Variants in ATRN observed in about 807,000 individuals in gnomAD.
The protein encoded by ATRN is attractin.
A neutral mutation model predicts 178.7 loss-of-function variants in ATRN; 54 were observed. The observed-to-expected ratio is 0.30, with a 90% CI of 0.24 to 0.38. The LOEUF (loss-of-function observed/expected upper bound fraction) is 0.38. Ranked by LOEUF, ATRN falls within the 10% of genes least tolerant of loss-of-function variation. The pLI, the probability that ATRN is intolerant of heterozygous loss-of-function variation, is 1.00. For missense variants in ATRN, 1,443 were observed against 1,815.1 expected (o/e 0.79, Z 3.73); for synonymous variants, 636 against 663.0 (o/e 0.96, Z 0.63).
intron 3 of ATRN, among the ~76,000 whole-genome samples, chr20:3,541,100 C>T (rs1403433132): frequency 5.4e-5 from 7 of 128,998 alleles, no homozygotes; most frequent in Non-Finnish European, 1.0e-4. Flanking sequence ...TTTTTTGAGA[C>T]GGAGTCTCGC....
chr20:3,484,839 C>G (rs2084668600), intron 1 of ATRN, among the ~76,000 whole-genome samples: 1 of 151,632 alleles, frequency 6.6e-6, no homozygotes, highest in Non-Finnish European at 1.5e-5. Flanking sequence ...ATTAGATTTA[C>G]TACTCGATAG....
intron 1 of ATRN, among the ~76,000 whole-genome samples, chr20:3,521,500 C>T (rs1488119236): frequency 6.6e-6 from 1 of 152,122 alleles, no homozygotes; most frequent in Admixed American, 6.5e-5. Context: ...ACATGAAGTA[C>T]AAATGGTCAG....
intron 1 of ATRN, among the ~76,000 whole-genome samples, chr20:3,487,582 T>A (rs2084713345): frequency 6.6e-6 from 1 of 152,216 alleles, no homozygotes; most frequent in East Asian, 1.9e-4. Context: ...TGATTTTTGT[T>A]CATGGTACAT....
chr20:3,541,401 G>A (rs1469148355), intron 3 of ATRN, among the ~76,000 whole-genome samples: 3 of 149,978 alleles, frequency 2.0e-5, no homozygotes, highest in East Asian at 2.0e-4. Context: ...ATACAGTCAT[G>A]TGTCACTTAG....
At chr20:3,525,840 A>G (rs1164184908) in intron 1 of ATRN, among the ~76,000 whole-genome samples, 1 of 152,222 alleles carries the variant, frequency 6.6e-6, no homozygotes, top group African/African-American at 2.4e-5. Context: ...GCCTTCAATA[A>G]AATTCAACAG....
At chr20:3,512,107 A>ATATATATATAT in intron 1 of ATRN, among the ~76,000 whole-genome samples, 1 of 106,394 alleles carries the variant, frequency 9.4e-6, no homozygotes, top group Non-Finnish European at 1.8e-5. Context: ...ATATATATAT[A>ATATATATATAT]TTTTTTTTTT....
chr20:3,624,018 T>C lies in ATRN; in HGVS notation c.3802-493T>C, dbSNP rs533053403. Among the ~76,000 whole-genome samples the C allele has an allele frequency of 5.5e-4, 84 of 152,356 alleles. 1 individual carries two copies. Among genetic ancestry groups the C allele is most frequent in the South Asian group, 8.3e-4 (4 of 4,824 alleles). On this transcript the variant is annotated intron_variant, in intron 24 of 28. Transcript: ENST00000262919. The stretch of plus-strand genomic sequence containing the variant: ...GTTCTGATGACGTAGTGTCAGATGA[T>C]GTTCAGTGTAGCAAAACGCGAGGCA...
chr20:3,574,961 C>G (rs1471045941), intron 12 of ATRN, among the ~76,000 whole-genome samples: 18 of 43,354 alleles, frequency 4.2e-4, no homozygotes, highest in Admixed American at 3.0e-3. Context: ...TGCAGCTTCT[C>G]TCTTTTTTTT....
At chr20:3,504,890 ATGT>A (rs1396693048) in intron 1 of ATRN, among the ~76,000 whole-genome samples, 1 of 152,034 alleles carries the variant, frequency 6.6e-6, no homozygotes, top group Non-Finnish European at 1.5e-5. Context: ...AAGTGGTAAA[ATGT>A]TGTTACTAAT....
At chr20:3,633,077 G>C (rs2087000890) in intron 25 of ATRN, among the ~76,000 whole-genome samples, 1 of 152,212 alleles carries the variant, frequency 6.6e-6, no homozygotes, top group African/African-American at 2.4e-5. Context: ...AGAGGTTGCA[G>C]TGAGCTGAGA....
At chr20:3,560,129 T>C (rs1241054525) in intron 7 of ATRN, among the ~76,000 whole-genome samples, 3 of 152,134 alleles carry the variant, frequency 2.0e-5, no homozygotes, top group Non-Finnish European at 4.4e-5. Flanking sequence ...ATTTACATTC[T>C]TTTTTTCCTT....
rs2086142087 is a variant in ATRN at position 3,572,643 on chromosome 20, C to G, written c.1872-88C>G. 1.4e-5 allele frequency: 15 copies of G among 1,109,546 alleles called. No individual in the cohort carries two copies. In the South Asian group the frequency reaches 2.3e-4, roughly 17 times the overall value. The allele number at this position is 1,109,546 out of a possible 1,614,324, so 68.7% of individuals were successfully genotyped here. On this transcript the variant is annotated intron_variant, in intron 11 of 28. Transcript: ENST00000262919. Reference sequence around the variant, plus strand: ...ACTAGCCTGGGCAACAGAGTAAGACCCTGTCTCTTAAAAAAAAAAAAAAAA... The same window carrying G: ...ACTAGCCTGGGCAACAGAGTAAGACGCTGTCTCTTAAAAAAAAAAAAAAAA...
At chr20:3,546,640 C>G (rs1468200057) in intron 4 of ATRN, among the ~76,000 whole-genome samples, 2 of 152,080 alleles carry the variant, frequency 1.3e-5, no homozygotes, top group African/African-American at 4.8e-5. Flanking sequence ...ATTCGCCAAC[C>G]TCGGCCTCCC....
intron 1 of ATRN, chr20:3,490,042 A>G (rs1404808058): frequency 4.9e-5 from 53 of 1,081,640 alleles, no homozygotes; most frequent in Non-Finnish European, 7.0e-5. Context: ...GTATTCATAG[A>G]TCTGGGCTTC....
intron 1 of ATRN, chr20:3,490,083 T>TCG: frequency 7.6e-7 from 1 of 1,308,864 alleles, no homozygotes; most frequent in South Asian, 1.2e-5. Context: ...TCTCTCAATG[T>TCG]CTCGCTTGGT....
intron 3 of ATRN, 85 bp from the exon 4 acceptor site, chr20:3,545,677 C>T (rs1427141710): frequency 1.6e-5 from 24 of 1,527,506 alleles, no homozygotes; most frequent in African/African-American, 2.8e-5. Context: ...ATTTTAAGGA[C>T]GGATTTGTTT....
intron 18 of ATRN, among the ~76,000 whole-genome samples, chr20:3,585,327 T>C (rs1032117682): frequency 1.3e-5 from 2 of 152,170 alleles, no homozygotes; most frequent in African/African-American, 4.8e-5. Context: ...ATACCTGCAC[T>C]GCATGTAACA....
At chr20:3,630,736 A>C (rs1205947951) in intron 25 of ATRN, among the ~76,000 whole-genome samples, 2 of 152,082 alleles carry the variant, frequency 1.3e-5, no homozygotes, top group Non-Finnish European at 2.9e-5. Flanking sequence ...TGGCATTTTC[A>C]TCACTTCTCC....
chr20:3,575,767 G>A (rs974854445), intron 12 of ATRN, 60 bp from the exon 13 acceptor site: 9 of 1,489,684 alleles, frequency 6.0e-6, no homozygotes, highest in Admixed American at 2.2e-5. Flanking sequence ...TTTTAACTTC[G>A]GTCTCAGATT....
Sources: gnomAD v4.1 joint callset for allele counts (sites outside exome capture counted in the v4.1 genomes callset) on GRCh38, gnomAD v4.1.1 for gene constraint, MANE v1.5 for transcripts, NCBI Gene and HGNC (gene_info 2026-07-23, HGNC 2026-07-21) for gene names.